Variants in CNTN5 observed in about 807,000 individuals in gnomAD.
CNTN5 encodes contactin 5.
In CNTN5, 77 loss-of-function variants were observed where a neutral mutation model predicts 129.1. The observed-to-expected ratio is 0.60, with a 90% CI of 0.50 to 0.72. The LOEUF (loss-of-function observed/expected upper bound fraction) is 0.72, where lower values mean the gene tolerates loss of function less well. CNTN5 is among the 30% of genes least tolerant of loss of function. CNTN5 has a pLI of 0.00. For synonymous variants in CNTN5, 509 were observed against 465.6 expected (o/e 1.09, Z -1.20); for missense variants, 1,478 against 1,328.8 (o/e 1.11, Z -1.75).
At chr11:99,288,239 A>G (rs976260514) in intron 1 of CNTN5, among the ~76,000 whole-genome samples, 1 of 151,814 alleles carries the variant, frequency 6.6e-6, no homozygotes, top group Non-Finnish European at 1.5e-5. Flanking sequence ...TTACAAGATT[A>G]TATTATCATT....
intron 1 of CNTN5, among the ~76,000 whole-genome samples, chr11:99,214,372 AT>A (rs1228329816): frequency 6.9e-6 from 1 of 144,112 alleles, no homozygotes; most frequent in Non-Finnish European, 1.5e-5. Flanking sequence ...ATACCAAAAA[AT>A]ATATATATTA....
intron 15 of CNTN5, among the ~76,000 whole-genome samples, chr11:100,201,260 T>G (rs1373081786): frequency 6.6e-6 from 1 of 151,992 alleles, no homozygotes; most frequent in African/African-American, 2.4e-5. Flanking sequence ...GATTATCCTG[T>G]AATTGTACAT....
In CNTN5 at chr11:100,035,767, T is replaced by G. The variant is rs1456014517; in HGVS notation, c.981-25445T>G. Among the ~76,000 whole-genome samples, 4 of 151,906 alleles carry G rather than the reference T, an allele frequency of 2.6e-5. 1 individual carries two copies. The East Asian group carries it at 5.8e-4, about 22-fold the overall frequency. ...TGTGTTTTTTGGCTGCATAAATGTC[T>G]TCTTTTGAGAAGTGTCTGTTCATAT... On this transcript the variant is annotated intron_variant, in intron 9 of 24. Coordinates refer to ENST00000524871, the MANE Select transcript of CNTN5 (RefSeq NM_014361.4).
At chr11:99,204,405 C>G (rs1859369156) in intron 1 of CNTN5, among the ~76,000 whole-genome samples, 1 of 152,108 alleles carries the variant, frequency 6.6e-6, no homozygotes, top group Non-Finnish European at 1.5e-5. Context: ...GGTTTGAGAT[C>G]ACTTATTCCT....
At chr11:99,600,401 A>C (rs1335610995) in intron 3 of CNTN5, among the ~76,000 whole-genome samples, 1 of 152,218 alleles carries the variant, frequency 6.6e-6, no homozygotes, top group Non-Finnish European at 1.5e-5. Flanking sequence ...GACACATTTA[A>C]TTATTTGCAT....
At chr11:99,451,653 CA>C (rs1380827915) in intron 2 of CNTN5, among the ~76,000 whole-genome samples, 9 of 152,036 alleles carry the variant, frequency 5.9e-5, no homozygotes, top group African/African-American at 2.2e-4. Context: ...AGGCGGTAGA[CA>C]TAAGAAATAA....
chr11:99,141,814 C>T (rs61891476), intron 1 of CNTN5, among the ~76,000 whole-genome samples: 2 of 151,814 alleles, frequency 1.3e-5, no homozygotes, highest in East Asian at 1.9e-4. Flanking sequence ...TTGAGAAACC[C>T]GCTTGGCATT....
At chr11:99,197,470 C>T in intron 1 of CNTN5, among the ~76,000 whole-genome samples, 1 of 152,100 alleles carries the variant, frequency 6.6e-6, no homozygotes, top group South Asian at 2.1e-4. Context: ...TATAGAAATT[C>T]AACTTACATA....
At chr11:99,744,858 G>T (rs983783736) in intron 3 of CNTN5, among the ~76,000 whole-genome samples, 1 of 151,072 alleles carries the variant, frequency 6.6e-6, no homozygotes, top group Non-Finnish European at 1.5e-5. Flanking sequence ...GGAAAGAGAA[G>T]AATAGTTGGC....
intron 1 of CNTN5, among the ~76,000 whole-genome samples, chr11:99,144,178 A>ATGAAATG (rs1859667172): frequency 6.6e-6 from 1 of 152,190 alleles, no homozygotes; most frequent in Non-Finnish European, 1.5e-5. Flanking sequence ...AGGGACTTTT[A>ATGAAATG]AAAACTGGCC....
intron 18 of CNTN5, among the ~76,000 whole-genome samples, chr11:100,275,711 T>C (rs1397140341): frequency 6.6e-6 from 1 of 152,232 alleles, no homozygotes; most frequent in African/African-American, 2.4e-5. Flanking sequence ...TCTATATACA[T>C]GACATACTTT....
intron 2 of CNTN5, among the ~76,000 whole-genome samples, chr11:99,533,114 T>G (rs117778699): frequency 0.046 from 6,955 of 152,268 alleles, 198 homozygotes; most frequent in South Asian, 0.085. Flanking sequence ...TCCCAGCTAT[T>G]CAGGAGTCTG....
At chr11:99,944,314 A>C (rs1950509010) in intron 7 of CNTN5, among the ~76,000 whole-genome samples, 1 of 152,050 alleles carries the variant, frequency 6.6e-6, no homozygotes, top group South Asian at 2.1e-4. Flanking sequence ...GGAGACAAGA[A>C]ATAACTAAGA....
chr11:99,952,755 C>T (rs1950707486), intron 7 of CNTN5, among the ~76,000 whole-genome samples: 1 of 152,032 alleles, frequency 6.6e-6, no homozygotes, highest in African/African-American at 2.4e-5. Flanking sequence ...GCAAATGAAA[C>T]ATTAAATCTC....
chr11:99,632,286 T>G (rs1951387910), intron 3 of CNTN5, among the ~76,000 whole-genome samples: 1 of 152,194 alleles, frequency 6.6e-6, no homozygotes, highest in South Asian at 2.1e-4. Flanking sequence ...ATGTTCATAG[T>G]AATTATCATT....
At chr11:100,068,859 A>G (rs1195754012) in intron 10 of CNTN5, among the ~76,000 whole-genome samples, 1 of 152,226 alleles carries the variant, frequency 6.6e-6, no homozygotes, top group Non-Finnish European at 1.5e-5. Flanking sequence ...AATAAAAGCA[A>G]AATTCCCTCT....
At chr11:99,220,470 T>G (rs942153067) in intron 1 of CNTN5, among the ~76,000 whole-genome samples, 1 of 151,870 alleles carries the variant, frequency 6.6e-6, no homozygotes, top group Admixed American at 6.6e-5. Flanking sequence ...ATAGCCATGG[T>G]CTCTTAAATG....
intron 9 of CNTN5, among the ~76,000 whole-genome samples, chr11:100,043,494 A>T (rs570743246): frequency 3.2e-4 from 48 of 152,332 alleles, no homozygotes; most frequent in Non-Finnish European, 5.0e-4. Context: ...TTAAACTTTC[A>T]TAATTTGAAG....
intron 2 of CNTN5, among the ~76,000 whole-genome samples, chr11:99,472,263 T>C (rs1276160773): frequency 6.6e-6 from 1 of 152,312 alleles, no homozygotes; most frequent in African/African-American, 2.4e-5. Flanking sequence ...TTTCCAGGAA[T>C]GAAGATTGCT....
Sources: gnomAD v4.1 joint callset for allele counts (sites outside exome capture counted in the v4.1 genomes callset) on GRCh38, gnomAD v4.1.1 for gene constraint, MANE v1.5 for transcripts, NCBI Gene and HGNC (gene_info 2026-07-23, HGNC 2026-07-21) for gene names.